RTN3: variants seen among roughly 807,000 people sequenced by gnomAD.
RTN3 encodes the protein reticulon-3.
Under a neutral mutation model 77.8 loss-of-function variants are expected in RTN3, and 49 were observed. That is an observed-to-expected ratio of 0.63 (90% CI 0.50 to 0.80). The LOEUF (loss-of-function observed/expected upper bound fraction) is 0.80, where lower values mean the gene tolerates loss of function less well. RTN3 is among the 30% of genes least tolerant of loss of function. The pLI is 0.00. For missense variants in RTN3, 1,236 were observed against 1,211.9 expected (o/e 1.02, Z -0.29); for synonymous variants, 464 against 446.9 (o/e 1.04, Z -0.48).
chr11:63,730,130 C>T (rs2012589125), intron 3 of RTN3, among the ~76,000 whole-genome samples: 1 of 151,952 alleles, frequency 6.6e-6, no homozygotes, highest in African/African-American at 2.4e-5. Flanking sequence ...CCACGCCTGG[C>T]TTATTTTTGT....
rs748235980 is a variant in RTN3 at position 63,747,038 on chromosome 11, C to A, written c.2531-2953C>A. Reference sequence around the variant, plus strand: ...AGATTAAAAGAAGTAAGTTCCTCAGCCTTTCTCTTTCACACCACTGACATT... The same window carrying A: ...AGATTAAAAGAAGTAAGTTCCTCAGACTTTCTCTTTCACACCACTGACATT... On this transcript the variant is annotated intron_variant, in intron 3 of 8. Coordinates refer to ENST00000377819, the MANE Select transcript of RTN3 (RefSeq NM_001265589.2). 1.3e-5 allele frequency: 6 copies of A among 455,934 alleles called. No individual in the cohort carries two copies. The Middle Eastern group carries it at 1.6e-3, about 124-fold the overall frequency. 28.2% of individuals were successfully genotyped at this position (455,934 alleles called of 1,614,324 possible).
Position 63,719,894 on chromosome 11 carries a change from A to C in RTN3, c.1392A>C (p.Gly464=). The stretch of plus-strand genomic sequence containing the variant: ...AGAAATGTGACTCTTTGGGTTCTGG[A>C]GTGGCCACAGTGAAAGTGGTTTTAC... ...PPEKCDSLGS[G]VATVKVVLPD... The change falls in exon 3 of 9, where the codon GGA becomes GGC. Residue 464 remains glycine (G), a synonymous_variant. Coordinates refer to ENST00000377819, the MANE Select transcript of RTN3 (RefSeq NM_001265589.2). 1 of 1,614,156 alleles carries C rather than the reference A, an allele frequency of 6.2e-7. No homozygotes were observed. Among genetic ancestry groups the C allele is most frequent in the Non-Finnish European group, 8.5e-7 (1 of 1,180,004 alleles).
intron 3 of RTN3, among the ~76,000 whole-genome samples, chr11:63,743,223 T>C (rs920002873): frequency 3.3e-5 from 5 of 152,172 alleles, no homozygotes; most frequent in African/African-American, 1.2e-4. Context: ...CTTAGTGAGC[T>C]GGCTAGAACC....
chr11:63,756,298 G>T, intron 8 of RTN3, 128 bp downstream of exon 8: 1 of 626,914 alleles, frequency 1.6e-6, no homozygotes, highest in Non-Finnish European at 2.8e-6. Flanking sequence ...TTAGTTAATA[G>T]TTTCATTTTA....
chr11:63,697,179 C>CG (rs34864853), intron 1 of RTN3, among the ~76,000 whole-genome samples: 2 of 151,998 alleles, frequency 1.3e-5, no homozygotes, highest in Admixed American at 1.3e-4. Context: ...CCATCGCGCC[C>CG]GGCCCCGTTG....
chr11:63,751,720 G>A (rs921326274), intron 4 of RTN3, among the ~76,000 whole-genome samples: 1 of 152,074 alleles, frequency 6.6e-6, no homozygotes, highest in Non-Finnish European at 1.5e-5. Context: ...GTTCAGGTGC[G>A]GTGACTTACG....
rs776904676 is a variant in RTN3, at chr11:63,720,831, AC to A, written c.2330del (p.Thr777IlefsTer17). 6.2e-7 allele frequency: 1 copy of A among 1,614,020 alleles called. No homozygotes were observed. Among genetic ancestry groups the A allele is most frequent in the South Asian group, 1.1e-5 (1 of 91,084 alleles). On this transcript the variant is annotated frameshift_variant, in exon 3 of 9. Coordinates refer to ENST00000377819, the MANE Select transcript of RTN3 (RefSeq NM_001265589.2). LOFTEE classifies it high-confidence loss of function. ...ELPSEEVLKQTFTFAPESWPQ... is the reference protein window; with the variant it reads ...ELPSEEVLKQXFTFAPESWPQ... ...GCCTTCTGAAGAAGTACTGAAGCAA[AC>A]TTTCACATTTGCTCCAGAATCTTGG...
intron 4 of RTN3, 151 bp from the exon 5 acceptor site, chr11:63,752,356 T>C (rs376044364): frequency 5.7e-5 from 38 of 661,936 alleles, no homozygotes; most frequent in Non-Finnish European, 8.4e-5. Flanking sequence ...TAAATGACAG[T>C]GTGTCTCCAC....
intron 1 of RTN3, among the ~76,000 whole-genome samples, chr11:63,687,764 T>C (rs1259219067): frequency 6.6e-6 from 1 of 152,244 alleles, no homozygotes; most frequent in Admixed American, 6.5e-5. Flanking sequence ...CTTTATTAAA[T>C]AACAATACCT....
At chr11:63,756,224 T>G in intron 8 of RTN3, 54 bp downstream of exon 8, 1 of 1,216,448 alleles carries the variant, frequency 8.2e-7, no homozygotes, top group Non-Finnish European at 1.2e-6. Flanking sequence ...TCCCCCCAAT[T>G]ATCTTTAGTC....
chr11:63,733,378 A>C (rs1343564645), intron 3 of RTN3, among the ~76,000 whole-genome samples: 1 of 152,050 alleles, frequency 6.6e-6, no homozygotes, highest in Non-Finnish European at 1.5e-5. Flanking sequence ...AGTCCCAGCT[A>C]CTTGGGAGGC....
At chr11:63,717,187 A>G (rs972163822) in intron 2 of RTN3, among the ~76,000 whole-genome samples, 3 of 151,736 alleles carry the variant, frequency 2.0e-5, no homozygotes, top group Non-Finnish European at 2.9e-5. Flanking sequence ...CAAATAAATG[A>G]AGTAAGAAAG....
chr11:63,757,559 A>G (rs752236215), intron 8 of RTN3, among the ~76,000 whole-genome samples: 7 of 151,764 alleles, frequency 4.6e-5, no homozygotes, highest in East Asian at 1.9e-4. Flanking sequence ...GGGTCTCACT[A>G]TGTTGCCCAG....
exon 9 of RTN3, chr11:63,759,878 AAAAACAC>A (rs1252189016): frequency 6.6e-6 from 1 of 152,382 alleles, no homozygotes; most frequent in African/African-American, 2.4e-5. Context: ...TAAAAAAAAA[AAAAACAC>A]AAACAATGAC....
intron 8 of RTN3, among the ~76,000 whole-genome samples, chr11:63,757,513 A>G (rs986945954): frequency 6.6e-6 from 1 of 151,726 alleles, no homozygotes; most frequent in Non-Finnish European, 1.5e-5. Flanking sequence ...GGCATGTGCC[A>G]TGCCCTGGCA....
intron 3 of RTN3, among the ~76,000 whole-genome samples, chr11:63,721,842 G>A (rs2134915099): frequency 6.6e-6 from 1 of 152,278 alleles, no homozygotes; most frequent in South Asian, 2.1e-4. Flanking sequence ...TTTAATTAAT[G>A]TGATCGTATA....
At position 63,720,530 on chromosome 11, in the gene RTN3, A is replaced by T. The variant is rs1039429190; in HGVS notation, c.2028A>T (p.Ala676=). Residue 676 remains alanine, a synonymous_variant, in exon 3 of 9, where the codon GCA becomes GCT. Transcript: ENST00000377819. The part of the protein sequence containing the change: ...IVDSERNAFK[A]ISEKMTDFKT... The stretch of plus-strand genomic sequence containing the variant: ...ATAGTGAAAGAAATGCTTTTAAAGC[A>T]ATATCAGAGAAGATGACAGACTTTA... 1.9e-6 allele frequency: 3 copies of T among 1,614,160 alleles called. No homozygotes were observed. The African/African-American group carries it at 4.0e-5, about 22-fold the overall frequency.
At chr11:63,734,103 A>G (rs1192591972) in intron 3 of RTN3, among the ~76,000 whole-genome samples, 1 of 152,172 alleles carries the variant, frequency 6.6e-6, no homozygotes, top group East Asian at 1.9e-4. Context: ...TGAAAACTAC[A>G]GCTGATGTCA....
At chr11:63,742,697 A>G (rs1225875635) in intron 3 of RTN3, among the ~76,000 whole-genome samples, 2 of 152,118 alleles carry the variant, frequency 1.3e-5, no homozygotes, top group South Asian at 2.1e-4. Context: ...TTATAGGTCA[A>G]TTTGGGGATA....
Sources: gnomAD v4.1 joint callset for allele counts (sites outside exome capture counted in the v4.1 genomes callset) on GRCh38, gnomAD v4.1.1 for gene constraint, MANE v1.5 for transcripts, NCBI Gene and HGNC (gene_info 2026-07-23, HGNC 2026-07-21) for gene names.